Variants in CLASP1 observed in about 807,000 individuals in gnomAD.
CLASP1 encodes CLIP-associating protein 1.
In CLASP1, 38 loss-of-function variants were observed where a neutral mutation model predicts 192.3. The observed-to-expected ratio is 0.20, with a 90% CI of 0.15 to 0.26. The LOEUF (loss-of-function observed/expected upper bound fraction) is 0.26. CLASP1 is among the 10% of genes least tolerant of loss of function. The pLI, the probability that CLASP1 is intolerant of heterozygous loss-of-function variation, is 1.00. For missense variants in CLASP1, 1,433 were observed against 1,932.5 expected, an observed-to-expected ratio of 0.74 and a Z score of 4.85; for synonymous variants, 691 against 712.8, an observed-to-expected ratio of 0.97 and a Z score of 0.49.
Position 121,463,835 on chromosome 2 carries a change from C to CTATTT in CLASP1, c.866-1235_866-1231dup, listed in dbSNP as rs957517169. On this transcript the variant is annotated intron_variant, in intron 9 of 39. Transcript: ENST00000263710. ...AGGAAAGCACCAGTCTAGTAATTTT[C>CTATTT]TATTTTATTTTATTTTATTATTATT... 5.9e-5 allele frequency among the ~76,000 whole-genome samples: 9 copies of CTATTT among 151,856 alleles called. 1 individual carries two copies. Among genetic ancestry groups the CTATTT allele is most frequent in the Non-Finnish European group, 7.4e-5 (5 of 67,950 alleles).
At chr2:121,628,443 A>G (rs972322464) in intron 1 of CLASP1, among the ~76,000 whole-genome samples, 6 of 152,116 alleles carry the variant, frequency 3.9e-5, no homozygotes, top group African/African-American at 1.4e-4. Context: ...TGGGAGCCTG[A>G]GGTGCGTGGA....
chr2:121,447,753 T>C (rs2084635856), intron 18 of CLASP1, among the ~76,000 whole-genome samples: 2 of 152,154 alleles, frequency 1.3e-5, no homozygotes, highest in Non-Finnish European at 1.5e-5. Context: ...TTGAAGACTA[T>C]AAACCCCAAA....
At chr2:121,545,356 G>GT (rs1204014542) in intron 2 of CLASP1, among the ~76,000 whole-genome samples, 2 of 151,996 alleles carry the variant, frequency 1.3e-5, no homozygotes, top group Admixed American at 6.6e-5. Flanking sequence ...TATTTGTTTG[G>GT]TTTTTTTAAT....
At chr2:121,408,886 T>C (rs1254612191) in intron 24 of CLASP1, 1 of 704,714 alleles carries the variant, frequency 1.4e-6, no homozygotes, top group East Asian at 2.7e-5. Flanking sequence ...TGATGGTGAA[T>C]CACTGTTATG....
At chr2:121,511,175 T>C (rs2094123780) in intron 7 of CLASP1, among the ~76,000 whole-genome samples, 1 of 152,222 alleles carries the variant, frequency 6.6e-6, no homozygotes, top group South Asian at 2.1e-4. Context: ...CAAATATTAA[T>C]AGTGAACTGT....
chr2:121,447,566 G>A, intron 18 of CLASP1, 59 bp from the exon 19 acceptor site: 1 of 1,338,422 alleles, frequency 7.5e-7, no homozygotes, highest in Non-Finnish European at 1.0e-6. Flanking sequence ...AAAATACATT[G>A]CTAAAATCTG....
chr2:121,436,972 AT>A (rs1451558973), intron 19 of CLASP1, among the ~76,000 whole-genome samples: 2 of 151,582 alleles, frequency 1.3e-5, no homozygotes, highest in Non-Finnish European at 2.9e-5. Flanking sequence ...GTTTATTTTT[AT>A]TTTTTTCAGA....
At chr2:121,639,060 A>T (rs2071502945) in intron 1 of CLASP1, among the ~76,000 whole-genome samples, 1 of 152,134 alleles carries the variant, frequency 6.6e-6, no homozygotes, top group Non-Finnish European at 1.5e-5. Context: ...GCGGATCACA[A>T]GGTCAGAAGA....
At chr2:121,423,748 C>A (rs1288993198) in intron 22 of CLASP1, among the ~76,000 whole-genome samples, 1 of 152,198 alleles carries the variant, frequency 6.6e-6, no homozygotes, top group Admixed American at 6.5e-5. Flanking sequence ...AGCTAAGAGA[C>A]CACACTACGC....
At chr2:121,421,832 T>C (rs988059674) in intron 22 of CLASP1, among the ~76,000 whole-genome samples, 17 of 152,212 alleles carry the variant, frequency 1.1e-4, no homozygotes, top group African/African-American at 4.1e-4. Flanking sequence ...CGTGAGCCAC[T>C]GCACCCGGCC....
At chr2:121,605,918 A>T (rs762249630) in exon 2 of CLASP1, 12 of 1,609,968 alleles carry the variant, frequency 7.5e-6, no homozygotes, top group Admixed American at 1.7e-5. Context: ...ATCCAGATCC[A>T]GCAAAAGCTA....
At chr2:121,354,672 AC>A (rs1025167223) in intron 37 of CLASP1, among the ~76,000 whole-genome samples, 8 of 151,210 alleles carry the variant, frequency 5.3e-5, no homozygotes, top group African/African-American at 2.0e-4. Context: ...TGTTTTCAAA[AC>A]CTGGAGAAAG....
At chr2:121,448,087 C>T (rs1574945910) in intron 18 of CLASP1, among the ~76,000 whole-genome samples, 189 bp downstream of exon 18, 1 of 152,378 alleles carries the variant, frequency 6.6e-6, no homozygotes, top group Middle Eastern at 3.4e-3. Context: ...ATGTTGTCCT[C>T]AGCAGCGAGT....
intron 22 of CLASP1, among the ~76,000 whole-genome samples, chr2:121,421,399 C>T (rs775011611): frequency 2.0e-5 from 3 of 151,928 alleles, no homozygotes; most frequent in South Asian, 2.1e-4. Flanking sequence ...AGGTGCACAC[C>T]GCCATGCCCG....
chr2:121,382,224 G>A (rs374468779), exon 33 of CLASP1: 25 of 1,608,082 alleles, frequency 1.6e-5, no homozygotes, highest in African/African-American at 1.1e-4. Flanking sequence ...GAGTAAGAGC[G>A]CCTGAGAGCC....
At chr2:121,522,621 T>G (rs1412627267) in intron 6 of CLASP1, among the ~76,000 whole-genome samples, 1 of 152,220 alleles carries the variant, frequency 6.6e-6, no homozygotes, top group Non-Finnish European at 1.5e-5. Flanking sequence ...TGTAATCCAT[T>G]TAAATGTACT....
chr2:121,622,967 TAA>T (rs2067635601), intron 1 of CLASP1, among the ~76,000 whole-genome samples: 1 of 152,180 alleles, frequency 6.6e-6, no homozygotes, highest in East Asian at 1.9e-4. Flanking sequence ...CTCACACCTA[TAA>T]TCCCAGCACT....
chr2:121,381,236 T>C (rs1169773863), intron 33 of CLASP1, among the ~76,000 whole-genome samples: 1 of 152,210 alleles, frequency 6.6e-6, no homozygotes, highest in East Asian at 1.9e-4. Context: ...AGATTATTTG[T>C]ATTCCACAAA....
intron 2 of CLASP1, among the ~76,000 whole-genome samples, chr2:121,564,803 G>A (rs1269744817): frequency 6.6e-6 from 1 of 152,150 alleles, no homozygotes; most frequent in Non-Finnish European, 1.5e-5. Flanking sequence ...AGAAAAGAGA[G>A]GGAAAGCCAC....
Sources: allele counts gnomAD v4.1 joint callset (sites outside exome capture counted in the v4.1 genomes callset), GRCh38; gene constraint gnomAD v4.1.1; transcripts MANE v1.5; gene names NCBI Gene and HGNC (gene_info 2026-07-23, HGNC 2026-07-21).